Variants in ITFG2 observed in about 807,000 individuals in gnomAD.
ITFG2 encodes integrin alpha FG-GAP repeat containing 2.
In ITFG2, 36 loss-of-function variants were observed where a neutral mutation model predicts 54.4. That is an observed-to-expected ratio of 0.66 (90% confidence interval 0.51 to 0.87). The LOEUF (loss-of-function observed/expected upper bound fraction) is 0.87. ITFG2 is among the 40% of genes least tolerant of loss of function. The pLI is 0.00. For synonymous variants in ITFG2, 211 were observed against 225.4 expected (o/e 0.94, Z 0.57); for missense variants, 524 against 576.7 (o/e 0.91, Z 0.94).
intron 2 of ITFG2, among the ~76,000 whole-genome samples, chr12:2,851,881 G>A (rs1001422002): frequency 1.3e-5 from 2 of 152,020 alleles, no homozygotes; most frequent in African/African-American, 4.8e-5. Context: ...GTTTCACCAT[G>A]TTGGCCAGGC....
Position 2,820,226 on chromosome 12 carries a change from G to A in ITFG2, c.546+1G>A, listed in dbSNP as rs1398091022. ...CAAGAAATGGATGCTGGAGGGTCAGGTAAGAAGCTGACTCTGGGGAACAAG... is the reference window on the plus strand; with the variant it reads ...CAAGAAATGGATGCTGGAGGGTCAGATAAGAAGCTGACTCTGGGGAACAAG... On this transcript the variant is annotated splice_donor_variant, in intron 5 of 11. Transcript: ENST00000228799. LOFTEE classifies it high-confidence loss of function. The A allele has an allele frequency of 6.3e-7, 1 of 1,589,410 alleles. No homozygotes were observed. Among genetic ancestry groups the A allele is most frequent in the African/African-American group, 1.3e-5 (1 of 74,286 alleles).
chr12:2,813,456 C>T (rs2097914182), intron 1 of ITFG2, among the ~76,000 whole-genome samples: 1 of 152,188 alleles, frequency 6.6e-6, no homozygotes, highest in Non-Finnish European at 1.5e-5. Flanking sequence ...GACTCTGCTA[C>T]ATTCTAGGAA....
At chr12:2,834,186 G>A (rs536160486), upstream of ITFG2, among the ~76,000 whole-genome samples, 112 of 152,318 alleles carry the variant, frequency 7.4e-4, no homozygotes, top group African/African-American at 2.6e-3. Context: ...GGGAAGGATG[G>A]AGACCCCCGA....
In ITFG2 at chr12:2,821,737, T is replaced by G. The variant is rs2097945494; in HGVS notation, c.893T>G (p.Leu298Arg). 6.2e-7 allele frequency: 1 copy of G among 1,614,160 alleles called. No homozygotes were observed. Among genetic ancestry groups the G allele is most frequent in the African/African-American group, 1.3e-5 (1 of 75,022 alleles). The change falls in exon 9 of 12, where the codon CTG (leucine) becomes CGG (arginine). Residue 298 changes from leucine to arginine, a missense_variant. By Grantham distance (102) the Leu-to-Arg change is moderately radical. Transcript: ENST00000228799. ...MEEMEEADKL[L>R]WSVQVDHQLF... ...GAAATGGAAGAAGCAGACAAGCTGC[T>G]GTGGTCAGTGCAGGTGGATCACCAG...
At chr12:2,859,041 G>A (rs2098101107) in intron 3 of ITFG2, 1 of 1,609,676 alleles carries the variant, frequency 6.2e-7, no homozygotes, top group Non-Finnish European at 8.5e-7. Flanking sequence ...CCCTACTTTG[G>A]CTGGGGGCGT....
chr12:2,856,939 A>G, intron 2 of ITFG2: 1 of 703,018 alleles, frequency 1.4e-6, no homozygotes, highest in Non-Finnish European at 2.6e-6. Flanking sequence ...GGCGGCAGAG[A>G]TGGGCCACCC....
At chr12:2,839,128 C>A (rs2098035103) in intron 1 of ITFG2, among the ~76,000 whole-genome samples, 1 of 152,042 alleles carries the variant, frequency 6.6e-6, no homozygotes, top group Admixed American at 6.5e-5. Context: ...GCTGTCTCTA[C>A]TAAAAATACA....
rs1046666091 is a variant in ITFG2, at chr12:2,824,569, G to A, written c.*376G>A. 1 of 291,228 alleles carries A rather than the reference G, an allele frequency of 3.4e-6. No individual in the cohort carries two copies. Among genetic ancestry groups the A allele is most frequent in the Non-Finnish European group, 6.7e-6 (1 of 148,292 alleles). The allele number at this position is 291,228 out of a possible 1,614,324, so 18.0% of individuals were successfully genotyped here. ...AGGAAACCAGGCTTTAGGCCCAGGG[G>A]AGCAGTGGAGGTAAGGGCTCCACCC... On this transcript the variant is annotated 3_prime_UTR_variant, in exon 12 of 12. Coordinates refer to ENST00000228799, the MANE Select transcript of ITFG2 (RefSeq NM_018463.4).
intron 1 of ITFG2, among the ~76,000 whole-genome samples, chr12:2,815,170 A>C (rs2097918674): frequency 6.6e-6 from 1 of 152,046 alleles, no homozygotes; most frequent in Non-Finnish European, 1.5e-5. Context: ...AATAAATTCC[A>C]ATTTGTTTCT....
intron 2 of ITFG2, among the ~76,000 whole-genome samples, chr12:2,842,120 CTTTTTTTTT>C (rs71057841): frequency 1.8e-5 from 2 of 108,718 alleles, no homozygotes; most frequent in African/African-American, 7.4e-5. Context: ...TCACTTGTTT[CTTTTTTTTT>C]TTTTTTTTTT....
At position 2,821,292 on chromosome 12, in the gene ITFG2, G is replaced by A. The variant is rs777194849; in HGVS notation, c.726G>A (p.Leu242=). The change falls in exon 7 of 12, where the codon CTG becomes CTA. Residue 242 remains leucine, a synonymous_variant. Coordinates refer to ENST00000228799, the MANE Select transcript of ITFG2 (RefSeq NM_018463.4). ...CCCCAGCTGCCCGAGACGTGGTGCTGCACCAGACATCTGGCCGTATCCACA... is the reference window on the plus strand; with the variant it reads ...CCCCAGCTGCCCGAGACGTGGTGCTACACCAGACATCTGGCCGTATCCACA... The part of the protein sequence containing the change: ...RETPAARDVV[L]HQTSGRIHNK... The A allele has an allele frequency of 2.5e-6, 4 of 1,609,784 alleles. No homozygotes were observed. The East Asian group carries it at 6.7e-5, about 27-fold the overall frequency.
chr12:2,835,281 G>T, upstream of ITFG2: 1 of 914,404 alleles, frequency 1.1e-6, no homozygotes, highest in Non-Finnish European at 1.3e-6. Context: ...GCTTGTCACT[G>T]TGTGGGGGCA....
downstream of ITFG2, chr12:2,827,221 C>T (rs1003044589): frequency 3.1e-6 from 5 of 1,614,146 alleles, no homozygotes; most frequent in South Asian, 4.4e-5. The surrounding 1 kb of genome is among the most constrained non-coding windows in gnomAD (Gnocchi z 4.0). Flanking sequence ...TGGCCAGGCT[C>T]TTGGTACAAA....
chr12:2,815,549 T>C (rs1368317553), intron 1 of ITFG2, among the ~76,000 whole-genome samples: 1 of 152,224 alleles, frequency 6.6e-6, no homozygotes, highest in Non-Finnish European at 1.5e-5. Context: ...AAGGCCTTGC[T>C]AGAGGAGGGA....
Position 2,818,284 on chromosome 12 carries a change from A to G in ITFG2, c.406+7A>G, listed in dbSNP as rs200519806. 1.6e-5 allele frequency: 26 copies of G among 1,611,732 alleles called. No homozygotes were observed. In the African/African-American group the frequency reaches 2.4e-4, roughly 15 times the overall value. On this transcript the variant is annotated splice_region_variant and intron_variant, in intron 4 of 11. Transcript: ENST00000228799. ...ATGCTGATCAGCGACATCGGTGGGC[A>G]TGCCTACCTTTGCAGGCAGCCAGGA...
At chr12:2,857,200 TAGAC>T in intron 2 of ITFG2, 1 of 636,592 alleles carries the variant, frequency 1.6e-6, no homozygotes, top group Non-Finnish European at 2.8e-6. Flanking sequence ...CTTTTCAGGT[TAGAC>T]AGGCAGGGGA....
Position 2,824,512 on chromosome 12 carries a change from A to G in ITFG2, c.*319A>G. 1 of 381,580 alleles carries G rather than the reference A, an allele frequency of 2.6e-6. No individual in the cohort carries two copies. The highest frequency in any genetic ancestry group is 5.0e-6 in the Non-Finnish European group (1 of 199,598). The allele number at this position is 381,580 out of a possible 1,614,324, so 23.6% of individuals were successfully genotyped here. On this transcript the variant is annotated 3_prime_UTR_variant, in exon 12 of 12. Transcript: ENST00000228799. ...TCCCCACTGTCACTGTGTTGAAAAC[A>G]GAGACTTGTTTGTGTGGCCCCAACA...
upstream of ITFG2, chr12:2,834,856 C>T (rs891628622): frequency 1.2e-6 from 2 of 1,613,692 alleles, no homozygotes; most frequent in Non-Finnish European, 1.7e-6. Flanking sequence ...AGGAGTGGGC[C>T]AGGGGCTGCT....
chr12:2,858,571 G>A (rs761010783), intron 3 of ITFG2: 3 of 1,378,480 alleles, frequency 2.2e-6, no homozygotes, highest in East Asian at 2.3e-5. Context: ...TCAGAGGCTT[G>A]GGGTGCACTG....
Sources: gnomAD v4.1 joint callset for allele counts (sites outside exome capture counted in the v4.1 genomes callset) on GRCh38, gnomAD v4.1.1 for gene constraint, Gnocchi (gnomAD v3.1) non-coding constraint, MANE v1.5 for transcripts, NCBI Gene and HGNC (gene_info 2026-07-23, HGNC 2026-07-21) for gene names.